Variants in DORIP1 observed in about 807,000 individuals in gnomAD.
DORIP1 encodes dopamine receptor interacting protein 1, also known as dopamine receptor-interacting protein 1.
chr14:44,904,388 AT>A, the DORIP1 span: 4 of 1,609,128 alleles, frequency 2.5e-6, no homozygotes, highest in African/African-American at 5.4e-5. Flanking sequence ...CCTGTTTTCT[AT>A]TTTAGGTGTG....
At chr14:44,900,366 A>G in the DORIP1 span, 3 of 1,287,832 alleles carry the variant, frequency 2.3e-6, no homozygotes, top group Non-Finnish European at 3.1e-6. Flanking sequence ...ATTTTCGTTT[A>G]AACATATTAT....
At chr14:44,906,044 T>C in the DORIP1 span, 1 of 149,704 alleles carries the variant, frequency 6.7e-6, no homozygotes, top group East Asian at 1.9e-4. Flanking sequence ...GAATGTACAA[T>C]TTATCGATGG....
the DORIP1 span, among the ~76,000 whole-genome samples, chr14:44,901,209 T>C: frequency 6.6e-6 from 1 of 152,204 alleles, no homozygotes; most frequent in Non-Finnish European, 1.5e-5. Context: ...CTAGGAGCAA[T>C]AGGCTTTACC....
At chr14:44,901,013 CT>C in the DORIP1 span, 2 of 1,509,944 alleles carry the variant, frequency 1.3e-6, no homozygotes, top group East Asian at 2.3e-5. Flanking sequence ...ATGAATGTTG[CT>C]TTAGATATGT....
chr14:44,905,604 A>G, the DORIP1 span: 1 of 1,276,292 alleles, frequency 7.8e-7, no homozygotes, highest in Non-Finnish European at 1.1e-6. Context: ...CTCCCAGATG[A>G]AGGGCTTTTA....
chr14:44,900,274 C>T, the DORIP1 span: 11 of 536,328 alleles, frequency 2.1e-5, no homozygotes, highest in African/African-American at 1.2e-4. Context: ...ATGCATAGTG[C>T]GCGAAAAGTG....
chr14:44,900,430 T>C, the DORIP1 span: 3 of 1,461,210 alleles, frequency 2.1e-6, no homozygotes, highest in South Asian at 3.2e-5. Context: ...ACTTTTAAAA[T>C]GTAGGATGAA....
the DORIP1 span, chr14:44,900,560 T>C: frequency 2.5e-6 from 4 of 1,609,758 alleles, no homozygotes; most frequent in Non-Finnish European, 3.4e-6. Flanking sequence ...CGCAAAGCAG[T>C]ATCCTGTACA....
chr14:44,898,823 G>A, the DORIP1 span: 2 of 152,126 alleles, frequency 1.3e-5, no homozygotes, highest in African/African-American at 4.8e-5. Flanking sequence ...AAAACACTGT[G>A]TTCATGTGTG....
chr14:44,901,921 G>A, the DORIP1 span, among the ~76,000 whole-genome samples: 2 of 152,150 alleles, frequency 1.3e-5, no homozygotes, highest in African/African-American at 4.8e-5. Context: ...GGAGTGTTGG[G>A]AAACGTTAAA....
the DORIP1 span, among the ~76,000 whole-genome samples, chr14:44,899,855 T>C: frequency 7.2e-6 from 1 of 139,812 alleles, no homozygotes; most frequent in Non-Finnish European, 1.5e-5. Context: ...TTTTTTGAGA[T>C]GGAGTTTCAC....
chr14:44,905,515 T>A, the DORIP1 span: 7 of 1,539,996 alleles, frequency 4.5e-6, no homozygotes, highest in East Asian at 1.6e-4. Context: ...TCTCCTCTTG[T>A]CATCATTGGT....
the DORIP1 span, chr14:44,903,369 T>G: frequency 6.6e-7 from 1 of 1,519,460 alleles, no homozygotes; most frequent in East Asian, 2.3e-5. Context: ...ATGTGCTCCT[T>G]GAAGTACTTT....
At chr14:44,901,989 C>A in the DORIP1 span, among the ~76,000 whole-genome samples, 1 of 152,182 alleles carries the variant, frequency 6.6e-6, no homozygotes, top group East Asian at 1.9e-4. Context: ...AAAACAGACC[C>A]AAATGCATTT....
At chr14:44,898,630 A>C in the DORIP1 span, among the ~76,000 whole-genome samples, 589 of 152,290 alleles carry the variant, frequency 3.9e-3, 4 homozygotes, top group African/African-American at 0.013. Context: ...AAACAAAACG[A>C]ATCAGTATCT....
At chr14:44,900,706 T>C in the DORIP1 span, 36 of 1,614,080 alleles carry the variant, frequency 2.2e-5, no homozygotes, top group South Asian at 3.5e-4. Flanking sequence ...GTTTGTAGAC[T>C]GTTTTCTTTA....
the DORIP1 span, among the ~76,000 whole-genome samples, chr14:44,898,596 A>G: frequency 1.3e-5 from 2 of 152,218 alleles, no homozygotes; most frequent in Non-Finnish European, 2.9e-5. Flanking sequence ...ATTTGAATGC[A>G]TAACTGTTTT....
chr14:44,899,823 A>ATTTTTTTTTTTTTT, the DORIP1 span, among the ~76,000 whole-genome samples: 4 of 134,396 alleles, frequency 3.0e-5, 1 homozygote, highest in East Asian at 2.0e-4. Context: ...TTCATTTAGG[A>ATTTTTTTTTTTTTT]ATTTTTTTTT....
At chr14:44,904,266 G>A in the DORIP1 span, 3 of 1,423,256 alleles carry the variant, frequency 2.1e-6, no homozygotes. Flanking sequence ...TATAACTATA[G>A]GTATTAACCA....
Sources: allele counts gnomAD v4.1 joint callset (sites outside exome capture counted in the v4.1 genomes callset), GRCh38; gene constraint gnomAD v4.1.1; transcripts MANE v1.5; gene names NCBI Gene and HGNC (gene_info 2026-07-23, HGNC 2026-07-21).